The following SCMH1 variants were observed in gnomAD, a reference collection of about 807,000 sequenced individuals.
SCMH1 encodes polycomb protein SCMH1.
A neutral mutation model predicts 70.8 loss-of-function variants in SCMH1; 37 were observed. The ratio of observed to expected loss-of-function variants is 0.52; its 90% confidence interval spans 0.40 to 0.69. The LOEUF is 0.69. Among genes scored for constraint, SCMH1 ranks in the 30% least tolerant of loss-of-function variants. The probability of loss-of-function intolerance (pLI) is 0.00; values close to 1 mark genes in which losing one functional copy is unlikely to be tolerated. For synonymous variants in SCMH1, 292 were observed against 307.4 expected (o/e 0.95, Z 0.52); for missense variants, 607 against 827.3 (o/e 0.73, Z 3.27).
At chr1:41,089,546 T>C (rs891337577) in intron 8 of SCMH1, among the ~76,000 whole-genome samples, 1 of 152,202 alleles carries the variant, frequency 6.6e-6, no homozygotes, top group Non-Finnish European at 1.5e-5. Flanking sequence ...GCCTTTTGAA[T>C]GGTTTGTCTC....
chr1:41,215,135 TTAG>T (rs1323636115), intron 1 of SCMH1, among the ~76,000 whole-genome samples: 1 of 152,174 alleles, frequency 6.6e-6, no homozygotes, highest in East Asian at 1.9e-4. Flanking sequence ...AGTGTTAAAG[TTAG>T]TAGGTGGCTG....
intron 13 of SCMH1, among the ~76,000 whole-genome samples, chr1:41,033,663 A>G (rs142880261): frequency 1.3e-5 from 2 of 152,360 alleles, no homozygotes; most frequent in African/African-American, 2.4e-5. Context: ...CAAGAGGCCA[A>G]CTAACAAGCT....
intron 10 of SCMH1, among the ~76,000 whole-genome samples, chr1:41,056,127 G>A (rs1650204004): frequency 6.6e-6 from 1 of 152,180 alleles, no homozygotes; most frequent in Non-Finnish European, 1.5e-5. Context: ...GCTATGCTAA[G>A]TTTGAGGCTC....
intron 1 of SCMH1, among the ~76,000 whole-genome samples, chr1:41,189,398 G>T (rs932015608): frequency 6.6e-6 from 1 of 152,222 alleles, no homozygotes; most frequent in African/African-American, 2.4e-5. Context: ...TGATCCACCC[G>T]CCTCGGCCTC....
chr1:41,160,892 G>A, exon 4 of SCMH1: 1 of 1,550,186 alleles, frequency 6.5e-7, no homozygotes, highest in South Asian at 1.2e-5. Flanking sequence ...CAGGATGTCA[G>A]CAGCTTCTAG....
chr1:41,196,940 GA>G (rs1277365340), intron 1 of SCMH1, among the ~76,000 whole-genome samples: 1 of 152,094 alleles, frequency 6.6e-6, no homozygotes, highest in Non-Finnish European at 1.5e-5. Context: ...ATAACCACAT[GA>G]AAAGATGCTC....
intron 6 of SCMH1, among the ~76,000 whole-genome samples, chr1:41,139,409 T>C (rs1045942945): frequency 1.1e-4 from 17 of 152,338 alleles, no homozygotes; most frequent in African/African-American, 4.1e-4. Context: ...CTGATAATTG[T>C]GGCATTCTCG....
chr1:41,078,557 A>C (rs1003929963), intron 8 of SCMH1, among the ~76,000 whole-genome samples: 3 of 152,194 alleles, frequency 2.0e-5, no homozygotes, highest in African/African-American at 7.2e-5. Context: ...AGAGAAAAAC[A>C]GCATTACCGG....
exon 12 of SCMH1, chr1:41,046,467 G>T (rs757278197): frequency 1.9e-6 from 3 of 1,614,248 alleles, no homozygotes; most frequent in South Asian, 2.2e-5. Context: ...AAGTGAGTCT[G>T]TGTAAAGGGC....
At chr1:41,116,980 A>G in exon 7 of SCMH1, 5 of 1,606,592 alleles carry the variant, frequency 3.1e-6, no homozygotes, top group Non-Finnish European at 3.4e-6. Flanking sequence ...CAAAAGGAAC[A>G]TGGGCCAAGA....
chr1:41,030,194 C>T (rs1644321895), intron 13 of SCMH1, among the ~76,000 whole-genome samples: 1 of 152,164 alleles, frequency 6.6e-6, no homozygotes, highest in African/African-American at 2.4e-5. Context: ...GCCTGGGTGA[C>T]AGAGCGAGAC....
chr1:41,238,538 C>T lies in SCMH1; in HGVS notation c.-118+3521G>A, dbSNP rs1413837728. Among the ~76,000 whole-genome samples the T allele has an allele frequency of 2.6e-5, 4 of 152,152 alleles. No homozygotes were observed. The East Asian group carries it at 7.7e-4, about 29-fold the overall frequency. Reference sequence around the variant, plus strand: ...CACCTCCTCATCTGTCATCTACCACCCTCCTGATTAATCCCCTATCTTTAC... The same window carrying T: ...CACCTCCTCATCTGTCATCTACCACTCTCCTGATTAATCCCCTATCTTTAC... On this transcript the variant is annotated intron_variant, in intron 1 of 14. Transcript: ENST00000337495.
At chr1:41,054,472 CA>C (rs1282966224) in intron 10 of SCMH1, among the ~76,000 whole-genome samples, 1 of 151,952 alleles carries the variant, frequency 6.6e-6, no homozygotes, top group African/African-American at 2.4e-5. Context: ...CTCCATAAGG[CA>C]AAAAACTATA....
intron 12 of SCMH1, chr1:41,045,785 A>AG (rs1333482892): frequency 2.6e-5 from 4 of 152,302 alleles, no homozygotes; most frequent in African/African-American, 9.7e-5. Flanking sequence ...AGAGACGCAG[A>AG]GTTCCATTGA....
chr1:41,167,329 C>A (rs553132570), intron 2 of SCMH1, among the ~76,000 whole-genome samples: 15 of 152,206 alleles, frequency 9.9e-5, no homozygotes, highest in South Asian at 4.1e-4. Flanking sequence ...ATGTAGTCTT[C>A]TTCTCTTGTT....
intron 13 of SCMH1, among the ~76,000 whole-genome samples, chr1:41,029,619 T>A (rs1644243431): frequency 6.6e-6 from 1 of 152,222 alleles, no homozygotes; most frequent in African/African-American, 2.4e-5. Context: ...GGATTTGGGA[T>A]CTCTGTATTT....
At chr1:41,114,514 C>T (rs11209553) in intron 7 of SCMH1, among the ~76,000 whole-genome samples, 11,875 of 152,096 alleles carry the variant, frequency 0.078, 597 homozygotes, top group South Asian at 0.13. Context: ...TCAGTTTTTT[C>T]GAGTTCCATA....
intron 5 of SCMH1, among the ~76,000 whole-genome samples, chr1:41,146,674 C>CTA (rs1557649741): frequency 6.6e-6 from 1 of 151,948 alleles, no homozygotes; most frequent in South Asian, 2.1e-4. Context: ...GAAGAATAGG[C>CTA]TATGGTCTAG....
intron 6 of SCMH1, among the ~76,000 whole-genome samples, chr1:41,127,265 G>C (rs1434726460): frequency 1.3e-5 from 2 of 152,072 alleles, no homozygotes; most frequent in Non-Finnish European, 2.9e-5. Context: ...AGAGTTATCT[G>C]TGCCTTATGT....
Sources: gnomAD v4.1 joint callset for allele counts (sites outside exome capture counted in the v4.1 genomes callset) on GRCh38, gnomAD v4.1.1 for gene constraint, MANE v1.5 for transcripts, NCBI Gene and HGNC (gene_info 2026-07-23, HGNC 2026-07-21) for gene names.